The following OAS3 variants were observed in gnomAD, a reference collection of about 807,000 sequenced individuals.
OAS3 encodes the protein 2'-5'-oligoadenylate synthetase 3.
In OAS3, 107 loss-of-function variants were observed where a neutral mutation model predicts 113.0. The observed-to-expected ratio is 0.95, with a 90% CI of 0.81 to 1.11. The LOEUF is 1.11. Ranked by LOEUF, OAS3 falls within the 50% of genes most tolerant of loss-of-function variation. The pLI is 0.00. For synonymous variants in OAS3, 552 were observed against 573.6 expected, an observed-to-expected ratio of 0.96 and a Z score of 0.54; for missense variants, 1,258 against 1,389.1, an observed-to-expected ratio of 0.91 and a Z score of 1.50.
Position 112,954,710 on chromosome 12 carries a change from C to T in OAS3, c.1657+3735C>T, listed in dbSNP as rs992038421. ...CTATATCTCTGTTTTGGTACAGTAC[C>T]ATGCTGTTTTGGTTACTGTAGTATA... On this transcript the variant is annotated intron_variant, in intron 7 of 15. Coordinates refer to ENST00000228928, the MANE Select transcript of OAS3 (RefSeq NM_006187.4). The surrounding 1 kb of genome is among the most constrained non-coding windows in gnomAD (Gnocchi z 4.0). Among the ~76,000 whole-genome samples, 18 of 152,130 alleles carry T rather than the reference C, an allele frequency of 1.2e-4. 1 individual carries two copies. The highest frequency in any genetic ancestry group is 9.2e-4 in the Admixed American group (14 of 15,276).
At position 112,972,247 on chromosome 12, in the gene OAS3, G is replaced by A. The variant is rs1169999560; in HGVS notation, c.*2274G>A. ...AGAGCAACTCAGGTGCATGATACAA[G>A]GAGAGGTTGTCATCTGGGTAGGGCA... On this transcript the variant is annotated 3_prime_UTR_variant, in exon 16 of 16. Transcript: ENST00000228928. 6.6e-6 allele frequency: 1 copy of A among 152,322 alleles called. No individual in the cohort carries two copies. Among genetic ancestry groups the A allele is most frequent in the Non-Finnish European group, 1.5e-5 (1 of 68,106 alleles). 9.4% of individuals were successfully genotyped at this position (152,322 alleles called of 1,614,324 possible).
intron 6 of OAS3, among the ~76,000 whole-genome samples, chr12:112,949,757 G>A (rs1053227199): frequency 6.6e-6 from 1 of 152,186 alleles, no homozygotes; most frequent in Non-Finnish European, 1.5e-5. Context: ...GGTGGCTCAC[G>A]CCTGTAATCC....
Position 112,962,915 on chromosome 12 carries a change from T to G in OAS3, c.2084+13T>G. ...TTCGAAAACCCAGGTGAAGACCCGC[T>G]TCCCTTTGCCTGGCTTCATTATCCT... On this transcript the variant is annotated intron_variant, in intron 9 of 15. Transcript: ENST00000228928. 6 of 1,611,968 alleles carry G rather than the reference T, an allele frequency of 3.7e-6. No individual in the cohort carries two copies. Among genetic ancestry groups the G allele is most frequent in the Non-Finnish European group, 5.1e-6 (6 of 1,178,218 alleles).
At chr12:112,941,910 AG>A (rs2043684367) in intron 2 of OAS3, 58 bp downstream of exon 2, 1 of 1,606,028 alleles carries the variant, frequency 6.2e-7, no homozygotes, top group South Asian at 1.1e-5. Flanking sequence ...GGAACAACAC[AG>A]GACTTCCAAT....
At chr12:112,948,252 T>C (rs766946950) in intron 5 of OAS3, among the ~76,000 whole-genome samples, 153 bp downstream of exon 5, 5 of 151,932 alleles carry the variant, frequency 3.3e-5, no homozygotes, top group Admixed American at 6.6e-5. Context: ...TCTCAACACA[T>C]TGGGAGGCCG....
chr12:112,941,126 T>C (rs2043674436), intron 1 of OAS3, among the ~76,000 whole-genome samples: 2 of 151,536 alleles, frequency 1.3e-5, no homozygotes, highest in African/African-American at 4.9e-5. Flanking sequence ...AATTCCAAGC[T>C]GCAGTGAGCT....
At position 112,965,863 on chromosome 12, in the gene OAS3, C is replaced by T. The variant is rs544604109; in HGVS notation, c.2523C>T (p.Ser841=). 5.2e-5 allele frequency: 84 copies of T among 1,613,674 alleles called. No homozygotes were observed. The highest frequency in any genetic ancestry group is 1.1e-4 in the East Asian group (5 of 44,878). Residue 841 remains serine, a synonymous_variant, in exon 12 of 16, where the codon TCC becomes TCT. Coordinates refer to ENST00000228928, the MANE Select transcript of OAS3 (RefSeq NM_006187.4). The stretch of plus-strand genomic sequence containing the variant: ...GCAACAAGCGGGCCGAGATCATCTC[C>T]GAGATCCGAGCCCAGCTGGAGGCAT... The part of the protein sequence containing the change: ...EQGNKRAEII[S]EIRAQLEACQ...
intron 3 of OAS3, among the ~76,000 whole-genome samples, chr12:112,946,251 C>T (rs2043727481): frequency 6.6e-6 from 1 of 152,008 alleles, no homozygotes; most frequent in Non-Finnish European, 1.5e-5. Flanking sequence ...CTCCCTGGTA[C>T]GTGGAGATCC....
rs1191803590 is a variant in OAS3, at chr12:112,965,620, G to T, written c.2404-124G>T. 6.2e-6 allele frequency: 5 copies of T among 810,518 alleles called. No homozygotes were observed. The East Asian group carries it at 8.1e-5, about 13-fold the overall frequency. 50.2% of individuals were successfully genotyped at this position (810,518 alleles called of 1,614,324 possible). A position where few individuals can be genotyped will look rare whatever the true frequency, so the allele number is the denominator to read the frequency against. The stretch of plus-strand genomic sequence containing the variant: ...ATACAGTCTTTCTTACCATATTAAA[G>T]ATCTAACACAGAGAGGTTAGATGAC... On this transcript the variant is annotated intron_variant, in intron 11 of 15. Transcript: ENST00000228928.
At chr12:112,964,437 A>G in intron 11 of OAS3, 29 bp downstream of exon 11, 1 of 1,598,004 alleles carries the variant, frequency 6.3e-7, no homozygotes, top group Non-Finnish European at 8.5e-7. Context: ...GTAGGCAAGC[A>G]GTGTCCTGCA....
rs772855388 is a variant in OAS3 at position 112,941,580 on chromosome 12, C to T, written c.188C>T (p.Ser63Leu). 66 of 1,611,074 alleles carry T rather than the reference C, an allele frequency of 4.1e-5. No individual in the cohort carries two copies. In the Admixed American group the frequency reaches 5.7e-4, roughly 14 times the overall value. ...RVLKTVKGGS[S>L]GRGTALKGGC... ...TTTTTCTTTGCCCAGGGAGGCTCCT[C>T]GGGCCGGGGCACAGCTCTCAAGGGT... The change falls in exon 2 of 16, where the codon TCG becomes TTG. Residue 63 changes from serine to leucine, a missense_variant. Physicochemically the swap from Ser to Leu is moderately radical, Grantham distance 145 (BLOSUM62 -2). Transcript: ENST00000228928.
Position 112,938,483 on chromosome 12 carries a change from A to C in OAS3, c.-48A>C. 6.7e-7 allele frequency: 1 copy of C among 1,490,456 alleles called. No homozygotes were observed. Among genetic ancestry groups the C allele is most frequent in the Non-Finnish European group, 8.9e-7 (1 of 1,120,642 alleles). 92.3% of individuals were successfully genotyped at this position (1,490,456 alleles called of 1,614,324 possible). A position where few individuals can be genotyped will look rare whatever the true frequency, so the allele number is the denominator to read the frequency against. The stretch of plus-strand genomic sequence containing the variant: ...GCGGGAAAACGAAACCAGAAATCCG[A>C]AGGCCGCGCCAGAGCCCTGCTTCCC... On this transcript the variant is annotated 5_prime_UTR_variant, in exon 1 of 16. Coordinates refer to ENST00000228928, the MANE Select transcript of OAS3 (RefSeq NM_006187.4).
Position 112,971,716 on chromosome 12 carries a change from G to C in OAS3, c.*1743G>C, listed in dbSNP as rs2043985926. On this transcript the variant is annotated 3_prime_UTR_variant, in exon 16 of 16. Transcript: ENST00000228928. Reference sequence around the variant, plus strand: ...CCCTCATTATTGTCATTCTTGGAGAGAGGTGAGCAACCAAGGGAAGCTCCT... The same window carrying C: ...CCCTCATTATTGTCATTCTTGGAGACAGGTGAGCAACCAAGGGAAGCTCCT... 1 of 152,244 alleles carries C rather than the reference G, an allele frequency of 6.6e-6. No homozygotes were observed. Among genetic ancestry groups the C allele is most frequent in the Non-Finnish European group, 1.5e-5 (1 of 68,066 alleles). 9.4% of individuals were successfully genotyped at this position (152,244 alleles called of 1,614,324 possible). A position where few individuals can be genotyped will look rare whatever the true frequency, so the allele number is the denominator to read the frequency against.
intron 7 of OAS3, 46 bp from the exon 8 acceptor site, chr12:112,961,025 G>C: frequency 6.3e-7 from 1 of 1,591,766 alleles, no homozygotes; most frequent in Non-Finnish European, 8.6e-7. Flanking sequence ...AAATGCTGCT[G>C]TCTTCAATTG....
intron 14 of OAS3, 90 bp downstream of exon 14, chr12:112,968,264 C>T (rs2043954641): frequency 1.4e-6 from 2 of 1,450,722 alleles, no homozygotes; most frequent in Non-Finnish European, 1.8e-6. Context: ...GATGGGAAAA[C>T]ACTCTTCCTA....
chr12:112,961,199 G>C lies in OAS3; in HGVS notation c.1786G>C (p.Val596Leu). 1.2e-6 allele frequency: 2 copies of C among 1,613,238 alleles called. No homozygotes were observed. The highest frequency in any genetic ancestry group is 1.7e-6 in the Non-Finnish European group (2 of 1,179,902). ...LRRNFMNIRPVKLKNLILLVK... is the reference protein window; with the variant it reads ...LRRNFMNIRPLKLKNLILLVK... Reference sequence around the variant, plus strand: ...GAGGAACTTCATGAACATTCGCCCTGTCAAGCTGAAGAACCTGATTCTGCT... The same window carrying C: ...GAGGAACTTCATGAACATTCGCCCTCTCAAGCTGAAGAACCTGATTCTGCT... Residue 596 changes from valine to leucine, a missense_variant, in exon 8 of 16, where the codon GTC (valine) becomes CTC (leucine). By Grantham distance (32) the Val-to-Leu change is conservative. Transcript: ENST00000228928.
chr12:112,944,991 A>T (rs1276979546), intron 3 of OAS3: 1 of 344,110 alleles, frequency 2.9e-6, no homozygotes, highest in Admixed American at 4.1e-5. Flanking sequence ...TTGAAAAATG[A>T]GTTATTCTTT....
intron 7 of OAS3, among the ~76,000 whole-genome samples, chr12:112,957,664 C>G (rs2043847821): frequency 6.6e-6 from 1 of 152,176 alleles, no homozygotes; most frequent in African/African-American, 2.4e-5. Flanking sequence ...AATATTGGCC[C>G]CCACTCTCTT....
chr12:112,967,898 C>T, intron 13 of OAS3, 38 bp from the exon 14 acceptor site: 1 of 1,595,334 alleles, frequency 6.3e-7, no homozygotes, highest in Non-Finnish European at 8.5e-7. Flanking sequence ...CTCATCAGTG[C>T]CAATATGAAC....
Sources: allele counts gnomAD v4.1 joint callset (sites outside exome capture counted in the v4.1 genomes callset), GRCh38; gene constraint gnomAD v4.1.1; non-coding constraint Gnocchi (gnomAD v3.1); transcripts MANE v1.5; gene names NCBI Gene and HGNC (gene_info 2026-07-23, HGNC 2026-07-21).